CREB5: variants seen among roughly 807,000 people sequenced by gnomAD.
The protein encoded by CREB5 is cAMP responsive element binding protein 5.
In CREB5, 19 loss-of-function variants were observed where a neutral mutation model predicts 57.1. The ratio of observed to expected loss-of-function variants is 0.33; its 90% CI spans 0.23 to 0.49. CREB5 has a LOEUF of 0.49. Among genes scored for constraint, CREB5 ranks in the 20% least tolerant of loss-of-function variants. The pLI, the probability that CREB5 is intolerant of heterozygous loss-of-function variation, is 0.99. For missense variants in CREB5, 579 were observed against 671.6 expected, an observed-to-expected ratio of 0.86 and a Z score of 1.52; for synonymous variants, 238 against 238.3, an observed-to-expected ratio of 1.00 and a Z score of 0.01.
At chr7:28,335,881 A>C (rs902780885) in intron 1 of CREB5, among the ~76,000 whole-genome samples, 14 of 151,956 alleles carry the variant, frequency 9.2e-5, no homozygotes, top group Admixed American at 8.5e-4. Flanking sequence ...GTCTATACCC[A>C]GTTTTTTGAA....
chr7:28,383,234 T>C (rs1213674177), intron 1 of CREB5, among the ~76,000 whole-genome samples: 2 of 152,086 alleles, frequency 1.3e-5, no homozygotes, highest in Non-Finnish European at 2.9e-5. Flanking sequence ...CAGAGAAAAC[T>C]AGGACTTGGT....
intron 4 of CREB5, among the ~76,000 whole-genome samples, chr7:28,524,352 C>T (rs1049373323): frequency 1.4e-5 from 2 of 145,878 alleles, no homozygotes; most frequent in African/African-American, 5.1e-5. Context: ...CACACACACA[C>T]ACACACACGG....
chr7:28,643,821 T>C (rs959547250), intron 5 of CREB5, among the ~76,000 whole-genome samples: 1 of 150,606 alleles, frequency 6.6e-6, no homozygotes, highest in African/African-American at 2.4e-5. Flanking sequence ...GGCTCATGCC[T>C]GGAATTCCAG....
intron 1 of CREB5, among the ~76,000 whole-genome samples, chr7:28,434,726 A>G (rs7793437): frequency 0.33 from 49,484 of 152,094 alleles, 8,620 homozygotes; most frequent in Middle Eastern, 0.41. Context: ...CAGTTTACCT[A>G]GATATTCAGC....
At chr7:28,388,959 T>C (rs896315652) in intron 1 of CREB5, among the ~76,000 whole-genome samples, 3 of 152,238 alleles carry the variant, frequency 2.0e-5, no homozygotes, top group Non-Finnish European at 4.4e-5. Context: ...GTGACATGTG[T>C]AGAAAATTTA....
At chr7:28,377,411 CTGTT>C (rs903876592) in intron 1 of CREB5, among the ~76,000 whole-genome samples, 2 of 151,590 alleles carry the variant, frequency 1.3e-5, no homozygotes, top group East Asian at 1.9e-4. Context: ...TTAATTTCAT[CTGTT>C]TGTTTTTACT....
intron 5 of CREB5, among the ~76,000 whole-genome samples, chr7:28,620,810 A>G (rs1797764708): frequency 6.6e-6 from 1 of 152,180 alleles, no homozygotes; most frequent in South Asian, 2.1e-4. Context: ...CTTCCTAGAA[A>G]TACTGTTACC....
intron 1 of CREB5, among the ~76,000 whole-genome samples, chr7:28,348,393 CTCTG>C (rs1374498997): frequency 7.0e-5 from 8 of 114,352 alleles, no homozygotes; most frequent in African/African-American, 2.6e-4. Flanking sequence ...GTCTCTCTCT[CTCTG>C]TCTCTCTCTC....
intron 1 of CREB5, among the ~76,000 whole-genome samples, chr7:28,441,429 G>T (rs925871922): frequency 3.3e-5 from 5 of 152,158 alleles, no homozygotes; most frequent in African/African-American, 1.2e-4. Flanking sequence ...TCTTGGAAAA[G>T]CCACTTAACC....
chr7:28,400,896 A>G (rs1487747142), intron 1 of CREB5, among the ~76,000 whole-genome samples: 1 of 152,220 alleles, frequency 6.6e-6, no homozygotes, highest in African/African-American at 2.4e-5. Flanking sequence ...ATGATGCTCA[A>G]TATTAATTTA....
chr7:28,428,966 C>A (rs1034827818), intron 1 of CREB5, among the ~76,000 whole-genome samples: 1 of 152,166 alleles, frequency 6.6e-6, no homozygotes, highest in African/African-American at 2.4e-5. Context: ...ATGTCCTGAA[C>A]TTTTCCTCCA....
chr7:28,708,277 G>T (rs1802225473), intron 5 of CREB5, among the ~76,000 whole-genome samples: 2 of 152,128 alleles, frequency 1.3e-5, no homozygotes, highest in South Asian at 2.1e-4. Flanking sequence ...GCAGCCCAAG[G>T]TTGCATAGTC....
chr7:28,679,120 G>A (rs894401534), intron 5 of CREB5, among the ~76,000 whole-genome samples: 1 of 140,254 alleles, frequency 7.1e-6, no homozygotes, highest in African/African-American at 2.6e-5. Flanking sequence ...ATATTTTCAG[G>A]GTTATCCTGC....
intron 3 of CREB5, 91 bp from the exon 4 acceptor site, chr7:28,507,525 C>A: frequency 6.9e-7 from 1 of 1,439,290 alleles, no homozygotes; most frequent in Non-Finnish European, 9.3e-7. Context: ...TTAATTAAGG[C>A]AAGGGGAGGG....
chr7:28,408,833 A>G (rs1451149515), upstream of CREB5, among the ~76,000 whole-genome samples: 1 of 152,150 alleles, frequency 6.6e-6, no homozygotes, highest in African/African-American at 2.4e-5. Flanking sequence ...GAGCACTGAA[A>G]TGAGGTCATG....
intron 7 of CREB5, among the ~76,000 whole-genome samples, chr7:28,751,391 G>A (rs1804966732): frequency 6.6e-6 from 1 of 152,160 alleles, no homozygotes; most frequent in Admixed American, 6.5e-5. Flanking sequence ...AAGATCCAGT[G>A]GATTTTGTCT....
At chr7:28,503,654 G>T (rs960664596) in intron 3 of CREB5, among the ~76,000 whole-genome samples, 2 of 152,098 alleles carry the variant, frequency 1.3e-5, no homozygotes, top group African/African-American at 4.8e-5. Flanking sequence ...ATTCAGGCTG[G>T]CATGTGAGAG....
At position 28,735,908 on chromosome 7, in the gene CREB5, G is replaced by A. The variant is rs117853653; in HGVS notation, c.702+11576G>A. On this transcript the variant is annotated intron_variant, in intron 7 of 10. Coordinates refer to ENST00000357727, the MANE Select transcript of CREB5 (RefSeq NM_182898.4). Reference sequence around the variant, plus strand: ...CTGCCTCAAATTCTTGAGCTCAAGCGATTCTCCCACCTCAGCTTCCCAAGT... The same window carrying A: ...CTGCCTCAAATTCTTGAGCTCAAGCAATTCTCCCACCTCAGCTTCCCAAGT... 2.0e-4 allele frequency among the ~76,000 whole-genome samples: 30 copies of A among 151,826 alleles called. 1 individual carries two copies. The East Asian group carries it at 4.7e-3, about 24-fold the overall frequency.
chr7:28,459,710 G>A (rs776775938), intron 1 of CREB5, among the ~76,000 whole-genome samples: 1 of 152,210 alleles, frequency 6.6e-6, no homozygotes, highest in East Asian at 1.9e-4. Flanking sequence ...ACGTAAGGGG[G>A]TGCAGAGATT....
Sources: gnomAD v4.1 joint callset for allele counts (sites outside exome capture counted in the v4.1 genomes callset) on GRCh38, gnomAD v4.1.1 for gene constraint, MANE v1.5 for transcripts, NCBI Gene and HGNC (gene_info 2026-07-23, HGNC 2026-07-21) for gene names.